The following JPT1 variants were observed in gnomAD, a reference collection of about 807,000 sequenced individuals.
JPT1 encodes the protein androgen-regulated protein 2.
Under a neutral mutation model 17.0 loss-of-function variants are expected in JPT1, and 5 were observed. The ratio of observed to expected loss-of-function variants is 0.29; its 90% CI spans 0.15 to 0.62. The LOEUF (loss-of-function observed/expected upper bound fraction) is 0.62, where lower values mean the gene tolerates loss of function less well. Ranked by LOEUF, JPT1 falls within the 20% of genes least tolerant of loss-of-function variation. JPT1 has a pLI of 0.85. For synonymous variants in JPT1, 71 were observed against 73.6 expected (o/e 0.96, Z 0.18); for missense variants, 158 against 188.1 (o/e 0.84, Z 0.94).
At chr17:75,141,619 C>G (rs1305892824) in intron 4 of JPT1, among the ~76,000 whole-genome samples, 1 of 151,934 alleles carries the variant, frequency 6.6e-6, no homozygotes, top group South Asian at 2.1e-4. Context: ...TGCCACTGCA[C>G]TCCAGCCTGG....
intron 4 of JPT1, chr17:75,145,358 G>C (rs1254628961): frequency 6.6e-6 from 1 of 152,168 alleles, no homozygotes; most frequent in Non-Finnish European, 1.5e-5. Flanking sequence ...GCACTTCACT[G>C]ACTGCTACTG....
At chr17:75,142,636 G>GA in intron 4 of JPT1, 1 of 273,564 alleles carries the variant, frequency 3.7e-6, no homozygotes, top group South Asian at 2.2e-5. Context: ...GGAGGGGAGG[G>GA]AGGGGAGGGG....
intron 1 of JPT1, chr17:75,153,503 G>T (rs1451720449): frequency 6.6e-6 from 1 of 152,250 alleles, no homozygotes; most frequent in African/African-American, 2.4e-5. Flanking sequence ...CTGGGCAAAC[G>T]TCAAAGGAGG....
In JPT1 at chr17:75,136,101, G is replaced by A; in HGVS notation, c.*1C>T. On this transcript the variant is annotated 3_prime_UTR_variant, in exon 5 of 5. Coordinates refer to ENST00000409753, the MANE Select transcript of JPT1 (RefSeq NM_016185.4). ...AACGACAGCGTTCAGGACAGTCAGAGCTAACCCAAGACGAGGCTGGACTTG... is the reference window on the plus strand; with the variant it reads ...AACGACAGCGTTCAGGACAGTCAGAACTAACCCAAGACGAGGCTGGACTTG... 6.2e-7 allele frequency: 1 copy of A among 1,614,246 alleles called. No homozygotes were observed.
chr17:75,148,911 C>CT, intron 1 of JPT1, among the ~76,000 whole-genome samples: 1 of 152,296 alleles, frequency 6.6e-6, no homozygotes, highest in African/African-American at 2.4e-5. Context: ...CACAAGGCAG[C>CT]TGAAACAGCA....
intron 1 of JPT1, chr17:75,153,576 T>A (rs2074586273): frequency 1.3e-5 from 2 of 152,278 alleles, no homozygotes; most frequent in African/African-American, 4.8e-5. Context: ...CCACTCGGGT[T>A]GGCTCGTTCC....
chr17:75,139,054 C>G (rs2074261220), intron 4 of JPT1, among the ~76,000 whole-genome samples: 1 of 152,060 alleles, frequency 6.6e-6, no homozygotes, highest in Non-Finnish European at 1.5e-5. Context: ...GTAAAAGAAG[C>G]AAGATCAAAT....
intron 2 of JPT1, among the ~76,000 whole-genome samples, chr17:75,148,136 C>G (rs2074476679): frequency 6.6e-6 from 1 of 152,244 alleles, no homozygotes; most frequent in Non-Finnish European, 1.5e-5. Flanking sequence ...AGTCCTTACT[C>G]TGATCCATCA....
At chr17:75,149,297 G>C (rs947575360) in intron 1 of JPT1, 10 of 325,078 alleles carry the variant, frequency 3.1e-5, no homozygotes, top group Middle Eastern at 1.1e-3. Flanking sequence ...CAAGGCTGCA[G>C]TGAGCTGTGT....
chr17:75,148,796 CTGCT>C, intron 1 of JPT1, 125 bp from the exon 2 acceptor site: 1 of 1,128,296 alleles, frequency 8.9e-7, no homozygotes. Flanking sequence ...CAACAGATAG[CTGCT>C]AACAGGAAAA....
chr17:75,152,774 A>G (rs2074574433), intron 1 of JPT1: 1 of 152,202 alleles, frequency 6.6e-6, no homozygotes, highest in Admixed American at 6.6e-5. Flanking sequence ...CCAAGGCTCA[A>G]TCTCTTCCTG....
intron 1 of JPT1, 70 bp from the exon 2 acceptor site, chr17:75,148,741 A>AAGG: frequency 6.4e-7 from 1 of 1,561,872 alleles, no homozygotes; most frequent in Non-Finnish European, 8.7e-7. Context: ...CTTTTCAGAC[A>AAGG]ACTTTCATTT....
chr17:75,147,091 TCAGA>T (rs1255474428), intron 3 of JPT1, among the ~76,000 whole-genome samples: 2 of 152,004 alleles, frequency 1.3e-5, no homozygotes, highest in Non-Finnish European at 2.9e-5. Flanking sequence ...CTCTCCCCAC[TCAGA>T]CAGGTGATGC....
chr17:75,153,974 TG>T (rs1568039291), intron 1 of JPT1: 1 of 162,352 alleles, frequency 6.2e-6, no homozygotes, highest in Non-Finnish European at 1.3e-5. Flanking sequence ...CCCGGGCACC[TG>T]GGGGGCCAAG....
chr17:75,138,055 C>G (rs550161346), intron 4 of JPT1, among the ~76,000 whole-genome samples: 1 of 152,254 alleles, frequency 6.6e-6, no homozygotes, highest in African/African-American at 2.4e-5. Flanking sequence ...CTCCCGGGTT[C>G]AAGCAATTCT....
intron 4 of JPT1, 79 bp from the exon 5 acceptor site, chr17:75,136,329 CTTTT>C (rs147209511): frequency 1.0e-5 from 13 of 1,257,516 alleles, no homozygotes; most frequent in Middle Eastern, 4.2e-4. Flanking sequence ...TTCTCTTTTT[CTTTT>C]TTTTTTGGTT....
At chr17:75,142,153 C>G (rs2074325941) in intron 4 of JPT1, among the ~76,000 whole-genome samples, 1 of 152,168 alleles carries the variant, frequency 6.6e-6, no homozygotes, top group South Asian at 2.1e-4. Context: ...TGTTGACATA[C>G]TTCTCCAAGT....
At chr17:75,149,017 A>G (rs2074492657) in intron 1 of JPT1, 1 of 1,271,244 alleles carries the variant, frequency 7.9e-7, no homozygotes, top group African/African-American at 1.5e-5. Flanking sequence ...GGCTGAATAT[A>G]CTTTCAAAGA....
intron 1 of JPT1, 64 bp downstream of exon 1, chr17:75,154,278 C>G: frequency 3.0e-6 from 4 of 1,342,510 alleles, no homozygotes; most frequent in Non-Finnish European, 3.9e-6. Context: ...CGCGAGGCCC[C>G]GCCGGCAGCG....
Sources: gnomAD v4.1 joint callset for allele counts (sites outside exome capture counted in the v4.1 genomes callset) on GRCh38, gnomAD v4.1.1 for gene constraint, MANE v1.5 for transcripts, NCBI Gene and HGNC (gene_info 2026-07-23, HGNC 2026-07-21) for gene names.